FCHSD2: variants seen among roughly 807,000 people sequenced by gnomAD.
The protein encoded by FCHSD2 is FCH and double SH3 domains 2.
In FCHSD2, 38 loss-of-function variants were observed where a neutral mutation model predicts 108.1. The ratio of observed to expected loss-of-function variants is 0.35; its 90% confidence interval spans 0.27 to 0.46. The LOEUF (loss-of-function observed/expected upper bound fraction) is 0.46. FCHSD2 is among the 20% of genes least tolerant of loss of function. FCHSD2 has a pLI of 1.00. For synonymous variants in FCHSD2, 279 were observed against 314.7 expected (o/e 0.89, Z 1.20); for missense variants, 751 against 897.8 (o/e 0.84, Z 2.09).
At chr11:72,998,971 T>C (rs75171900) in intron 5 of FCHSD2, among the ~76,000 whole-genome samples, 2,050 of 152,238 alleles carry the variant, frequency 0.013, 49 homozygotes, top group African/African-American at 0.045. Context: ...ATCTGGCACA[T>C]TGGGGGTCAC....
chr11:73,139,107 T>A (rs950540446), intron 2 of FCHSD2, among the ~76,000 whole-genome samples: 1 of 152,088 alleles, frequency 6.6e-6, no homozygotes, highest in African/African-American at 2.4e-5. Flanking sequence ...TGCCTAAATA[T>A]AGGAGAGGAA....
chr11:72,900,410 A>T (rs1288473401), intron 10 of FCHSD2: 1 of 890,524 alleles, frequency 1.1e-6, no homozygotes, highest in African/African-American at 1.7e-5. Flanking sequence ...AACACCTAAG[A>T]ACATTTAGCA....
intron 3 of FCHSD2, among the ~76,000 whole-genome samples, chr11:73,081,445 T>C (rs1180162710): frequency 1.3e-5 from 2 of 152,092 alleles, no homozygotes; most frequent in Admixed American, 1.3e-4. Context: ...ATTAAATAAA[T>C]AAATAAATCT....
intron 8 of FCHSD2, among the ~76,000 whole-genome samples, chr11:72,955,980 C>T (rs1856703830): frequency 6.6e-6 from 1 of 152,134 alleles, no homozygotes; most frequent in African/African-American, 2.4e-5. Flanking sequence ...TATCATCCTC[C>T]ACTAAAAGGA....
chr11:73,092,910 GTGTTTC>G (rs1859990132), intron 2 of FCHSD2, among the ~76,000 whole-genome samples: 1 of 152,140 alleles, frequency 6.6e-6, no homozygotes, highest in Non-Finnish European at 1.5e-5. Context: ...CCTGACACAA[GTGTTTC>G]TGTCTACCTG....
intron 2 of FCHSD2, among the ~76,000 whole-genome samples, chr11:73,085,717 TAA>T (rs201055524): frequency 6.8e-6 from 1 of 146,872 alleles, no homozygotes; most frequent in Admixed American, 6.8e-5. Context: ...TTTTAACTAT[TAA>T]AAAAAAAAAT....
At chr11:73,083,572 AAG>A in intron 3 of FCHSD2, 121 bp downstream of exon 3, 3 of 617,358 alleles carry the variant, frequency 4.9e-6, no homozygotes, top group Non-Finnish European at 8.6e-6. Flanking sequence ...AAAAAAAAAC[AAG>A]AAAGAAATAA....
chr11:73,120,664 G>A (rs951086269), intron 2 of FCHSD2, among the ~76,000 whole-genome samples: 1 of 152,010 alleles, frequency 6.6e-6, no homozygotes, highest in Non-Finnish European at 1.5e-5. Flanking sequence ...GGAAGGCGGA[G>A]GCTGCAGTGA....
chr11:73,027,033 C>T lies in FCHSD2; in HGVS notation c.166-11148G>A, dbSNP rs143957676. Among the ~76,000 whole-genome samples the T allele has an allele frequency of 1.9e-3, 292 of 152,070 alleles. 1 individual carries two copies. The highest frequency in any genetic ancestry group is 6.3e-3 in the African/African-American group (261 of 41,458). Reference sequence around the variant, plus strand: ...ATAGCAGTGTGGAAATGGAGTAATACAGAAAATTGGTACCGAGAGACATGG... The same window carrying T: ...ATAGCAGTGTGGAAATGGAGTAATATAGAAAATTGGTACCGAGAGACATGG... On this transcript the variant is annotated intron_variant, in intron 3 of 19. Coordinates refer to ENST00000409418, the MANE Select transcript of FCHSD2 (RefSeq NM_014824.3).
At chr11:72,859,005 ATG>A (rs1369734575) in intron 13 of FCHSD2, among the ~76,000 whole-genome samples, 1 of 152,194 alleles carries the variant, frequency 6.6e-6, no homozygotes, top group Admixed American at 6.5e-5. Context: ...TTTTTAGGTT[ATG>A]ACATAGGGAG....
At chr11:72,920,875 C>T (rs1352120320) in intron 9 of FCHSD2, among the ~76,000 whole-genome samples, 1 of 152,018 alleles carries the variant, frequency 6.6e-6, no homozygotes, top group East Asian at 1.9e-4. Context: ...TTTGTATTTC[C>T]GTATCAACCT....
chr11:73,018,747 A>T (rs1486192358), intron 3 of FCHSD2, among the ~76,000 whole-genome samples: 1 of 152,154 alleles, frequency 6.6e-6, no homozygotes, highest in African/African-American at 2.4e-5. Context: ...TAATAACTGT[A>T]TCAGATTTCT....
intron 12 of FCHSD2, among the ~76,000 whole-genome samples, chr11:72,885,827 G>A (rs1299244985): frequency 6.6e-6 from 1 of 152,130 alleles, no homozygotes; most frequent in African/African-American, 2.4e-5. Flanking sequence ...ACATGACCCT[G>A]AATTCAAAGA....
chr11:73,049,314 C>A (rs1382975550), intron 3 of FCHSD2, among the ~76,000 whole-genome samples: 1 of 152,028 alleles, frequency 6.6e-6, no homozygotes, highest in Non-Finnish European at 1.5e-5. Flanking sequence ...CTCATACCCA[C>A]AACAATATTA....
At chr11:73,027,434 C>T (rs1056992340) in intron 3 of FCHSD2, among the ~76,000 whole-genome samples, 2 of 152,098 alleles carry the variant, frequency 1.3e-5, no homozygotes, top group Non-Finnish European at 1.5e-5. Flanking sequence ...GCAAAGCATT[C>T]AAAATGTAAC....
At chr11:73,097,035 T>G in intron 2 of FCHSD2, among the ~76,000 whole-genome samples, 1 of 126,428 alleles carries the variant, frequency 7.9e-6, no homozygotes, top group Admixed American at 9.1e-5. Context: ...AGGGTCTCAC[T>G]CTGGTCATCC....
intron 8 of FCHSD2, among the ~76,000 whole-genome samples, chr11:72,957,199 A>C (rs1257965022): frequency 2.4e-5 from 2 of 81,916 alleles, no homozygotes; most frequent in African/African-American, 5.0e-5. Flanking sequence ...CCACCCCACC[A>C]CAGTCCCCAG....
At chr11:73,079,198 TA>T (rs1365267098) in intron 3 of FCHSD2, among the ~76,000 whole-genome samples, 8 of 150,996 alleles carry the variant, frequency 5.3e-5, no homozygotes, top group African/African-American at 2.0e-4. Context: ...TTAAGAGAAA[TA>T]ATTTTTTTTT....
At chr11:73,118,716 T>A (rs189657617) in intron 2 of FCHSD2, among the ~76,000 whole-genome samples, 11 of 152,352 alleles carry the variant, frequency 7.2e-5, no homozygotes, top group Admixed American at 6.5e-4. Flanking sequence ...GATACTATAA[T>A]GATGATGGCA....
Sources: allele counts gnomAD v4.1 joint callset (sites outside exome capture counted in the v4.1 genomes callset), GRCh38; gene constraint gnomAD v4.1.1; transcripts MANE v1.5; gene names NCBI Gene and HGNC (gene_info 2026-07-23, HGNC 2026-07-21).